The following LYPD6B variants were observed in gnomAD, a reference collection of about 807,000 sequenced individuals.
The protein encoded by LYPD6B is ly6/PLAUR domain-containing protein 6B.
A neutral mutation model predicts 22.8 loss-of-function variants in LYPD6B; 17 were observed. That is an observed-to-expected ratio of 0.75 (90% confidence interval 0.51 to 1.12). The LOEUF (loss-of-function observed/expected upper bound fraction) is 1.12, where lower values mean the gene tolerates loss of function less well. LYPD6B is among the 50% of genes most tolerant of loss of function. The probability of loss-of-function intolerance (pLI) is 0.00; values close to 1 mark genes in which losing one functional copy is unlikely to be tolerated. For missense variants in LYPD6B, 221 were observed against 258.3 expected (o/e 0.86, Z 0.99); for synonymous variants, 106 against 91.6 (o/e 1.16, Z -0.90).
intron 2 of LYPD6B, among the ~76,000 whole-genome samples, chr2:149,151,410 T>C (rs1037668637): frequency 1.3e-5 from 2 of 152,188 alleles, no homozygotes; most frequent in African/African-American, 4.8e-5. Flanking sequence ...TGCTCCATTT[T>C]GCCTGATGCT....
At chr2:149,173,652 A>T (rs1174428702) in intron 3 of LYPD6B, among the ~76,000 whole-genome samples, 2 of 152,180 alleles carry the variant, frequency 1.3e-5, no homozygotes, top group Non-Finnish European at 2.9e-5. Context: ...TAGGTTGTGT[A>T]TGGAACTCTA....
At chr2:149,061,397 A>G (rs1193454068) in intron 1 of LYPD6B, among the ~76,000 whole-genome samples, 4 of 152,056 alleles carry the variant, frequency 2.6e-5, no homozygotes, top group Non-Finnish European at 4.4e-5. Flanking sequence ...GTCTGTTTAT[A>G]TGTGTTTTTA....
At chr2:149,198,687 G>A (rs966174230) in intron 3 of LYPD6B, among the ~76,000 whole-genome samples, 3 of 152,068 alleles carry the variant, frequency 2.0e-5, no homozygotes, top group Admixed American at 1.3e-4. Context: ...TTCTGTCTTT[G>A]GCATTGCAAA....
intron 1 of LYPD6B, among the ~76,000 whole-genome samples, chr2:149,044,006 A>C (rs1276376098): frequency 6.6e-6 from 1 of 152,092 alleles, no homozygotes; most frequent in African/African-American, 2.4e-5. Context: ...CTTCATGCCA[A>C]CACTACAGTA....
At chr2:149,149,245 G>A (rs555758836) in intron 2 of LYPD6B, among the ~76,000 whole-genome samples, 2 of 152,264 alleles carry the variant, frequency 1.3e-5, no homozygotes, top group East Asian at 1.9e-4. Flanking sequence ...GAACATTTAT[G>A]TGTCTTCACA....
chr2:149,109,288 C>T (rs984248594), intron 1 of LYPD6B, among the ~76,000 whole-genome samples: 17 of 152,044 alleles, frequency 1.1e-4, no homozygotes, highest in South Asian at 4.1e-4. Context: ...TTGAAATACA[C>T]GTTAGGTTGA....
intron 3 of LYPD6B, among the ~76,000 whole-genome samples, chr2:149,176,940 C>T (rs932219156): frequency 1.3e-5 from 2 of 152,230 alleles, no homozygotes; most frequent in Non-Finnish European, 2.9e-5. Context: ...CACCCACCAT[C>T]CCCATGTCCC....
chr2:149,072,619 C>G (rs1213862587), intron 1 of LYPD6B, among the ~76,000 whole-genome samples: 1 of 151,754 alleles, frequency 6.6e-6, no homozygotes, highest in Non-Finnish European at 1.5e-5. Flanking sequence ...TCACTGCAGC[C>G]TCTGCCTCCA....
chr2:149,120,490 C>T (rs1199803609), intron 1 of LYPD6B, among the ~76,000 whole-genome samples: 1 of 145,860 alleles, frequency 6.9e-6, no homozygotes, highest in African/African-American at 2.6e-5. Flanking sequence ...TCATGCCATT[C>T]TCCTGCCTCA....
intron 1 of LYPD6B, among the ~76,000 whole-genome samples, chr2:149,084,215 A>C (rs1322491235): frequency 6.6e-6 from 1 of 152,238 alleles, no homozygotes; most frequent in Non-Finnish European, 1.5e-5. Context: ...CCCTGTTTTT[A>C]AGTTTCCTTT....
intron 3 of LYPD6B, among the ~76,000 whole-genome samples, chr2:149,184,128 G>T (rs542897832): frequency 6.6e-6 from 1 of 152,052 alleles, no homozygotes; most frequent in East Asian, 1.9e-4. Flanking sequence ...AGAGGTGGAG[G>T]TTGCAGTGAG....
At chr2:149,065,541 G>A (rs1171266777) in intron 1 of LYPD6B, among the ~76,000 whole-genome samples, 1 of 152,174 alleles carries the variant, frequency 6.6e-6, no homozygotes, top group Non-Finnish European at 1.5e-5. Context: ...CTTCCTGGGA[G>A]AGAACCCGAG....
At chr2:149,046,159 G>A (rs1683295059) in intron 1 of LYPD6B, among the ~76,000 whole-genome samples, 1 of 152,074 alleles carries the variant, frequency 6.6e-6, no homozygotes, top group African/African-American at 2.4e-5. Context: ...CTGTATTTCT[G>A]TTAATATTCC....
At chr2:149,194,483 G>A (rs1466549372) in intron 3 of LYPD6B, among the ~76,000 whole-genome samples, 3 of 152,190 alleles carry the variant, frequency 2.0e-5, no homozygotes, top group African/African-American at 4.8e-5. Flanking sequence ...AGAGGTAGTA[G>A]CAGATTCCAG....
chr2:149,214,532 C>CT lies in LYPD6B; in HGVS notation c.460-8dup. 6.2e-7 allele frequency: 1 copy of CT among 1,612,056 alleles called. No individual in the cohort carries two copies. Among genetic ancestry groups the CT allele is most frequent in the Non-Finnish European group, 8.5e-7 (1 of 1,178,326 alleles). ...ATTATTCACTGTCATTTCCTCTCTC[C>CT]TTTTTTGTAACAGGAGTGTAGGTCT... is the stretch of plus-strand genomic sequence containing the variant. On this transcript the variant is annotated splice_polypyrimidine_tract_variant and intron_variant, in intron 6 of 6. Transcript: ENST00000409642.
chr2:149,186,504 G>A (rs973898192), intron 3 of LYPD6B, among the ~76,000 whole-genome samples: 1 of 152,204 alleles, frequency 6.6e-6, no homozygotes, highest in East Asian at 1.9e-4. Flanking sequence ...AAAAGTGCAA[G>A]GTGAAGCAGG....
At chr2:149,203,418 T>C (rs1358829073) in intron 3 of LYPD6B, among the ~76,000 whole-genome samples, 1 of 152,150 alleles carries the variant, frequency 6.6e-6, no homozygotes, top group Non-Finnish European at 1.5e-5. Context: ...AAGAAGGGTA[T>C]AATAATGACT....
rs549578904 is a variant in LYPD6B, at chr2:149,054,587, G to A, written c.-67+15786G>A. Among the ~76,000 whole-genome samples, 24 of 152,210 alleles carry A rather than the reference G, an allele frequency of 1.6e-4. No homozygotes were observed. In the South Asian group the frequency reaches 2.9e-3, roughly 18 times the overall value. On this transcript the variant is annotated intron_variant, in intron 1 of 6. Transcript: ENST00000409642. ...TAGTATCTTTTGAAACATGAAACAC[G>A]AAAGGTTTTAATTTTGACCAGTGCA...
At position 149,157,862 on chromosome 2, in the gene LYPD6B, C is replaced by T. The variant is rs149212009; in HGVS notation, c.6-2902C>T. On this transcript the variant is annotated intron_variant, in intron 2 of 6. Coordinates refer to ENST00000409642, the MANE Select transcript of LYPD6B (RefSeq NM_177964.5). ...ATATTTTACCTGCGGGGATAGAAAC[C>T]GATGCTTCAGGTTACTGCAGTATCT... is the stretch of plus-strand genomic sequence containing the variant. Among the ~76,000 whole-genome samples the T allele has an allele frequency of 1.5e-3, 229 of 152,222 alleles. 1 individual carries two copies. Among genetic ancestry groups the T allele is most frequent in the Non-Finnish European group, 2.7e-3 (185 of 68,006 alleles).
Sources: gnomAD v4.1 joint callset for allele counts (sites outside exome capture counted in the v4.1 genomes callset) on GRCh38, gnomAD v4.1.1 for gene constraint, MANE v1.5 for transcripts, NCBI Gene and HGNC (gene_info 2026-07-23, HGNC 2026-07-21) for gene names.